COPG2: variants seen among roughly 807,000 people sequenced by gnomAD.
The protein encoded by COPG2 is coat protein complex I subunit gamma 2.
In COPG2, 37 loss-of-function variants were observed where a neutral mutation model predicts 46.3. That is an observed-to-expected ratio of 0.80 (90% CI 0.61 to 1.05). The LOEUF (loss-of-function observed/expected upper bound fraction) is 1.05, where lower values mean the gene tolerates loss of function less well. Among genes scored for constraint, COPG2 ranks in the 50% least tolerant of loss-of-function variants. The probability of loss-of-function intolerance (pLI) is 0.00; values close to 1 mark genes in which losing one functional copy is unlikely to be tolerated. For missense variants in COPG2, 427 were observed against 387.8 expected (o/e 1.10, Z -0.85); for synonymous variants, 159 against 129.7 (o/e 1.23, Z -1.53).
At chr7:130,511,890 G>A (rs1295939441) in intron 20 of COPG2, 1 of 515,334 alleles carries the variant, frequency 1.9e-6, no homozygotes. Context: ...TTGCTTGATA[G>A]GAAAGTTATA....
At chr7:130,528,794 A>T (rs1322306953) in intron 20 of COPG2, among the ~76,000 whole-genome samples, 1 of 151,880 alleles carries the variant, frequency 6.6e-6, no homozygotes, top group African/African-American at 2.4e-5. Flanking sequence ...GCTTGTTGAG[A>T]GCAGGAGGGA....
rs1267413050 is a variant in COPG2, at chr7:130,551,930, G to A, written c.1544+425C>T. 2.0e-5 allele frequency among the ~76,000 whole-genome samples: 3 copies of A among 152,052 alleles called. No homozygotes were observed. In the East Asian group the frequency reaches 5.8e-4, roughly 29 times the overall value. ...ATTACCTAACAGTTTTTTTAAGTAAGCCCCTGTTGTACAAATTGAGGCAAA... is the reference window on the plus strand; with the variant it reads ...ATTACCTAACAGTTTTTTTAAGTAAACCCCTGTTGTACAAATTGAGGCAAA... On this transcript the variant is annotated intron_variant, in intron 15 of 23. Transcript: ENST00000425248.
At chr7:130,626,851 A>C (rs1795129796) in intron 5 of COPG2, among the ~76,000 whole-genome samples, 1 of 151,990 alleles carries the variant, frequency 6.6e-6, no homozygotes, top group South Asian at 2.1e-4. Flanking sequence ...CTTTTAAATT[A>C]CATTTGCCCT....
chr7:130,535,170 T>C (rs1258432363), intron 20 of COPG2, among the ~76,000 whole-genome samples: 1 of 152,172 alleles, frequency 6.6e-6, no homozygotes, highest in Non-Finnish European at 1.5e-5. Flanking sequence ...CGACAGGCCC[T>C]GGGTGGCTGA....
rs374515739 is a variant in COPG2 at position 130,507,709 on chromosome 7, G to A, written c.2362C>T (p.Leu788Phe). 15 of 780,282 alleles carry A rather than the reference G, an allele frequency of 1.9e-5. No homozygotes were observed. Among genetic ancestry groups the A allele is most frequent in the Non-Finnish European group, 3.4e-5 (14 of 417,864 alleles). 48.3% of individuals were successfully genotyped at this position (780,282 alleles called of 1,614,324 possible). A position where few individuals can be genotyped will look rare whatever the true frequency, so the allele number is the denominator to read the frequency against. The part of the protein sequence containing the change: ...DTFEKEETFA[L>F]SSTKTLEEAV... ...CCTTCAAGGGTTTTGGTAGAACTGA[G>A]GGCAAAGGTTTCCTCTTTCTCAAAG... The change falls in exon 22 of 24, where the codon CTC (leucine) becomes TTC (phenylalanine). Residue 788 changes from leucine to phenylalanine, a missense_variant. Leu to Phe is a conservative substitution (Grantham distance 22, BLOSUM62 0). Transcript: ENST00000425248.
intron 9 of COPG2, among the ~76,000 whole-genome samples, chr7:130,590,887 A>G (rs1253702103): frequency 2.2e-5 from 3 of 136,660 alleles, no homozygotes; most frequent in Non-Finnish European, 4.7e-5. Flanking sequence ...AAGTGAGGAG[A>G]CCCTCTGCCT....
chr7:130,547,434 TTTAAGA>T (rs1361868665), intron 20 of COPG2: 30 of 367,364 alleles, frequency 8.2e-5, no homozygotes, highest in East Asian at 7.0e-4. Context: ...CAGTTTCTCT[TTTAAGA>T]TTAAGTGTTC....
chr7:130,611,139 A>C (rs995062510), intron 8 of COPG2, 29 bp from the exon 9 acceptor site: 3 of 1,588,820 alleles, frequency 1.9e-6, no homozygotes, highest in Admixed American at 3.5e-5. Context: ...AAGGTAGCAC[A>C]TGGATTAGAA....
chr7:130,644,447 G>A (rs1175946361), intron 5 of COPG2, among the ~76,000 whole-genome samples: 6 of 152,110 alleles, frequency 3.9e-5, no homozygotes, highest in Admixed American at 1.3e-4. Context: ...AGGTATGTCC[G>A]GTGAAGATAG....
intron 20 of COPG2, among the ~76,000 whole-genome samples, chr7:130,536,809 C>A (rs1257003730): frequency 2.0e-5 from 3 of 152,120 alleles, no homozygotes; most frequent in Non-Finnish European, 4.4e-5. Flanking sequence ...GTCCGAGACT[C>A]GAGGACTCAG....
chr7:130,532,948 G>A (rs929838611), intron 20 of COPG2, among the ~76,000 whole-genome samples: 6 of 152,100 alleles, frequency 3.9e-5, no homozygotes, highest in Non-Finnish European at 8.8e-5. Flanking sequence ...GGTGCAGGTG[G>A]GACAGTACCA....
intron 5 of COPG2, chr7:130,645,332 A>C: frequency 1.7e-6 from 1 of 575,812 alleles, no homozygotes; most frequent in Middle Eastern, 3.3e-4. Context: ...TCTTCAGCAC[A>C]GTTGCCTTCT....
chr7:130,625,672 G>A (rs1373403248), intron 5 of COPG2, among the ~76,000 whole-genome samples: 4 of 141,520 alleles, frequency 2.8e-5, no homozygotes, highest in South Asian at 2.3e-4. Context: ...TGCTTTCTCC[G>A]TTTTTTTTTT....
chr7:130,591,636 T>C (rs1219688307), intron 9 of COPG2, among the ~76,000 whole-genome samples: 2 of 141,362 alleles, frequency 1.4e-5, no homozygotes, highest in African/African-American at 5.3e-5. Context: ...AGCCGCCCCG[T>C]CCGGTTGGTG....
In COPG2 at chr7:130,659,926, G is replaced by C. The variant is rs28505508; in HGVS notation, c.243+3041C>G. 2.7e-5 allele frequency among the ~76,000 whole-genome samples: 4 copies of C among 149,790 alleles called. No homozygotes were observed. The East Asian group carries it at 7.7e-4, about 29-fold the overall frequency. ...AAACAACAACAACAACATTGCAAAA[G>C]AAGAAGATGTTATTTTTATATTTTA... On this transcript the variant is annotated intron_variant, in intron 4 of 23. Coordinates refer to ENST00000425248, the MANE Select transcript of COPG2 (RefSeq NM_012133.6).
chr7:130,617,777 A>C (rs1794973889), intron 5 of COPG2, among the ~76,000 whole-genome samples: 1 of 152,142 alleles, frequency 6.6e-6, no homozygotes, highest in South Asian at 2.1e-4. Flanking sequence ...AGAAGTTTTG[A>C]CTGATAGTCC....
chr7:130,507,559 T>C, intron 22 of COPG2, 126 bp downstream of exon 22: 2 of 655,624 alleles, frequency 3.1e-6, no homozygotes, highest in Non-Finnish European at 5.5e-6. Flanking sequence ...GACAGGGTGC[T>C]GGCCTTTTAA....
intron 20 of COPG2, among the ~76,000 whole-genome samples, chr7:130,510,443 G>A (rs1381216315): frequency 2.0e-5 from 3 of 152,178 alleles, no homozygotes; most frequent in South Asian, 4.1e-4. Flanking sequence ...ACAGAATATG[G>A]TAGGGGAAAA....
chr7:130,601,627 G>C (rs1430641074), intron 9 of COPG2, among the ~76,000 whole-genome samples: 1 of 152,082 alleles, frequency 6.6e-6, no homozygotes, highest in African/African-American at 2.4e-5. Context: ...AGAACCCATG[G>C]ACACAAGGAG....
Sources: allele counts gnomAD v4.1 joint callset (sites outside exome capture counted in the v4.1 genomes callset), GRCh38; gene constraint gnomAD v4.1.1; transcripts MANE v1.5; gene names NCBI Gene and HGNC (gene_info 2026-07-23, HGNC 2026-07-21).